ADGRL2: variants seen among roughly 807,000 people sequenced by gnomAD.
ADGRL2 encodes the protein adhesion G protein-coupled receptor L2.
A neutral mutation model predicts 157.4 loss-of-function variants in ADGRL2; 44 were observed. The observed-to-expected ratio is 0.28, with a 90% confidence interval of 0.22 to 0.36. ADGRL2 has a LOEUF of 0.36. Among genes scored for constraint, ADGRL2 ranks in the 10% least tolerant of loss-of-function variants. The pLI is 1.00. For synonymous variants in ADGRL2, 585 were observed against 624.7 expected, an observed-to-expected ratio of 0.94 and a Z score of 0.95; for missense variants, 1,510 against 1,768.9, an observed-to-expected ratio of 0.85 and a Z score of 2.63.
At chr1:81,494,826 G>A (rs2078700213) in intron 2 of ADGRL2, among the ~76,000 whole-genome samples, 1 of 152,048 alleles carries the variant, frequency 6.6e-6, no homozygotes, top group Non-Finnish European at 1.5e-5. Context: ...CATTAATAAA[G>A]AAGTATTCAG....
chr1:81,436,613 T>C (rs1019462736), intron 1 of ADGRL2, among the ~76,000 whole-genome samples: 2 of 152,176 alleles, frequency 1.3e-5, no homozygotes, highest in African/African-American at 4.8e-5. Flanking sequence ...AGAACCAATA[T>C]GGGGAAAGCA....
intron 15 of ADGRL2, 113 bp from the exon 16 acceptor site, chr1:81,970,198 GAAT>G: frequency 1.3e-6 from 1 of 763,230 alleles, no homozygotes. Flanking sequence ...AGTTTACTCT[GAAT>G]AATGTATTTT....
intron 2 of ADGRL2, chr1:81,557,724 A>T (rs748517531): frequency 6.6e-6 from 1 of 152,358 alleles, no homozygotes; most frequent in Admixed American, 6.5e-5. Flanking sequence ...TACTGTTAGA[A>T]GGTCTCAGAG....
At chr1:81,850,261 G>C (rs1320133603) in intron 2 of ADGRL2, among the ~76,000 whole-genome samples, 1 of 151,892 alleles carries the variant, frequency 6.6e-6, no homozygotes, top group South Asian at 2.1e-4. Context: ...TTAAGAGGCA[G>C]CAACTCTGTT....
chr1:81,678,366 G>T (rs1237722900), intron 3 of ADGRL2, among the ~76,000 whole-genome samples: 2 of 152,112 alleles, frequency 1.3e-5, no homozygotes, highest in Non-Finnish European at 2.9e-5. Context: ...TAGTGTAGTT[G>T]TAGCCTCTGT....
chr1:81,520,782 G>A (rs2079295996), intron 2 of ADGRL2, among the ~76,000 whole-genome samples: 1 of 152,134 alleles, frequency 6.6e-6, no homozygotes, highest in Non-Finnish European at 1.5e-5. Flanking sequence ...TCAGCAAGGT[G>A]AAAACTGACT....
At chr1:81,671,386 C>G (rs964585391) in intron 3 of ADGRL2, among the ~76,000 whole-genome samples, 22 of 152,204 alleles carry the variant, frequency 1.4e-4, no homozygotes, top group African/African-American at 5.3e-4. Context: ...GATGAGAGAG[C>G]TATGCATCTT....
intron 2 of ADGRL2, among the ~76,000 whole-genome samples, chr1:81,519,603 G>A (rs2079263428): frequency 6.6e-6 from 1 of 152,162 alleles, no homozygotes; most frequent in Non-Finnish European, 1.5e-5. Flanking sequence ...TAATGATGAT[G>A]ATAATAACTA....
intron 3 of ADGRL2, among the ~76,000 whole-genome samples, chr1:81,687,526 G>A (rs1045008944): frequency 2.6e-5 from 4 of 152,094 alleles, no homozygotes; most frequent in African/African-American, 9.7e-5. Flanking sequence ...TTAAGTTTAT[G>A]TAAGTCCTTA....
rs151231889 is a variant in ADGRL2, at chr1:81,360,113, T to C, written c.-302+53604T>C. Among the ~76,000 whole-genome samples, 416 of 152,134 alleles carry C rather than the reference T, an allele frequency of 2.7e-3. 2 individuals are homozygous for C. Among genetic ancestry groups the C allele is most frequent in the African/African-American group, 9.6e-3 (399 of 41,556 alleles). ...ATGGCCTTCAAGACTGTACATGATC[T>C]ACTCTTTACCCAGTTTTCTCACTTC... On this transcript the variant is annotated intron_variant, in intron 1 of 24. Transcript: ENST00000370721.
At chr1:81,375,347 G>T (rs2076231321) in intron 1 of ADGRL2, among the ~76,000 whole-genome samples, 1 of 152,128 alleles carries the variant, frequency 6.6e-6, no homozygotes, top group Non-Finnish European at 1.5e-5. Flanking sequence ...GAGCGGTAAA[G>T]CAGGACCAAA....
chr1:81,772,678 G>A lies in ADGRL2; in HGVS notation c.-101+10826G>A, dbSNP rs376430575. ...CGGGAGGCAGAGGTTGCAGTGAGCCGAGACTGCGCTACTGCATTCTAGCCC... is the reference window on the plus strand; with the variant it reads ...CGGGAGGCAGAGGTTGCAGTGAGCCAAGACTGCGCTACTGCATTCTAGCCC... On this transcript the variant is annotated intron_variant, in intron 2 of 20. Coordinates refer to the ADGRL2 transcript ENST00000359929. Among the ~76,000 whole-genome samples the A allele has an allele frequency of 2.4e-4, 36 of 152,190 alleles. No individual in the cohort carries two copies. The South Asian group carries it at 6.0e-3, about 25-fold the overall frequency.
Position 81,612,200 on chromosome 1 carries a change from G to A in ADGRL2, c.-143+31220G>A, listed in dbSNP as rs974228650. On this transcript the variant is annotated intron_variant, in intron 3 of 24. Coordinates refer to the ADGRL2 transcript ENST00000370721. ...CAAATACTCCCCTGGTGATGGTGATGCAGCTGGCCCACACTCTGACACCTG... is the reference window on the plus strand; with the variant it reads ...CAAATACTCCCCTGGTGATGGTGATACAGCTGGCCCACACTCTGACACCTG... Among the ~76,000 whole-genome samples, 7 of 152,144 alleles carry A rather than the reference G, an allele frequency of 4.6e-5. No homozygotes were observed. In the South Asian group the frequency reaches 1.2e-3, roughly 27 times the overall value.
intron 2 of ADGRL2, among the ~76,000 whole-genome samples, chr1:81,488,564 C>A (rs1570253942): frequency 6.6e-6 from 1 of 151,018 alleles, no homozygotes; most frequent in East Asian, 2.0e-4. Context: ...CAAAAATTAA[C>A]TGGATATGGT....
intron 3 of ADGRL2, among the ~76,000 whole-genome samples, chr1:81,590,444 T>C (rs1214859975): frequency 6.6e-6 from 1 of 152,116 alleles, no homozygotes; most frequent in African/African-American, 2.4e-5. Flanking sequence ...TTGTGGTGAC[T>C]GCACTCACTT....
intron 1 of ADGRL2, among the ~76,000 whole-genome samples, chr1:81,707,155 G>C (rs1397331794): frequency 6.6e-6 from 1 of 152,124 alleles, no homozygotes; most frequent in Non-Finnish European, 1.5e-5. Flanking sequence ...AGTGAAGGTG[G>C]GTGGCGGTTA....
chr1:81,542,414 C>CCTA (rs1429510803), intron 2 of ADGRL2, among the ~76,000 whole-genome samples: 1 of 152,164 alleles, frequency 6.6e-6, no homozygotes. Flanking sequence ...TTAAATGCCC[C>CCTA]CTGTAGTTTC....
intron 1 of ADGRL2, among the ~76,000 whole-genome samples, chr1:81,746,994 A>G (rs529505769): frequency 2.7e-5 from 4 of 148,074 alleles, no homozygotes; most frequent in East Asian, 2.0e-4. Flanking sequence ...GTATATACGT[A>G]TATACGTGTA....
intron 1 of ADGRL2, among the ~76,000 whole-genome samples, chr1:81,806,739 C>G (rs1465455079): frequency 6.6e-6 from 1 of 151,540 alleles, no homozygotes; most frequent in African/African-American, 2.4e-5. Context: ...TAAAAGAAAT[C>G]TGTTTTCATT....
Sources: allele counts gnomAD v4.1 joint callset (sites outside exome capture counted in the v4.1 genomes callset), GRCh38; gene constraint gnomAD v4.1.1; transcripts MANE v1.5; gene names NCBI Gene and HGNC (gene_info 2026-07-23, HGNC 2026-07-21).